MICU3: variants seen among roughly 807,000 people sequenced by gnomAD.
The protein encoded by MICU3 is calcium uptake protein 3, mitochondrial.
A neutral mutation model predicts 66.5 loss-of-function variants in MICU3; 62 were observed. The ratio of observed to expected loss-of-function variants is 0.93; its 90% CI spans 0.76 to 1.15. MICU3 has a LOEUF of 1.15. Ranked by LOEUF, MICU3 falls within the 50% of genes most tolerant of loss-of-function variation. The pLI is 0.00. For synonymous variants in MICU3, 308 were observed against 240.7 expected (o/e 1.28, Z -2.59); for missense variants, 779 against 664.4 (o/e 1.17, Z -1.90).
chr8:17,120,873 T>G lies in MICU3; in HGVS notation c.*586T>G, dbSNP rs1803146308. On this transcript the variant is annotated 3_prime_UTR_variant, in exon 15 of 15. Transcript: ENST00000318063. ...ATTGTTTACGTGTACTTTTAACTTT[T>G]AAAAGTACTTAATTAACATATGTTG... The G allele has an allele frequency of 6.6e-6, 1 of 152,382 alleles. No homozygotes were observed. 9.4% of individuals were successfully genotyped at this position (152,382 alleles called of 1,614,324 possible).
At chr8:17,054,293 A>G (rs1303323413) in intron 1 of MICU3, among the ~76,000 whole-genome samples, 2 of 152,126 alleles carry the variant, frequency 1.3e-5, no homozygotes, top group African/African-American at 4.8e-5. Context: ...TGATTTCATT[A>G]TTTTGAAGTT....
chr8:17,052,864 A>G (rs993664732), intron 1 of MICU3, among the ~76,000 whole-genome samples: 3 of 152,162 alleles, frequency 2.0e-5, no homozygotes, highest in Non-Finnish European at 4.4e-5. Flanking sequence ...TTTTTTAGCT[A>G]CTTGAATAGA....
intron 1 of MICU3, among the ~76,000 whole-genome samples, chr8:17,045,877 C>A (rs775099344): frequency 1.3e-5 from 2 of 152,190 alleles, no homozygotes; most frequent in Non-Finnish European, 2.9e-5. Flanking sequence ...TAGTCACTGT[C>A]ATGAGAACAG....
At chr8:17,041,833 G>A (rs1814163132) in intron 1 of MICU3, among the ~76,000 whole-genome samples, 1 of 152,102 alleles carries the variant, frequency 6.6e-6, no homozygotes, top group Non-Finnish European at 1.5e-5. Flanking sequence ...AGTAGTTGAA[G>A]GTGTTCTTCT....
the MICU3 span, among the ~76,000 whole-genome samples, chr8:17,130,290 T>G: frequency 2.6e-5 from 4 of 152,094 alleles, no homozygotes; most frequent in African/African-American, 9.7e-5. Context: ...TTTGGGGGAC[T>G]GAGGCGGTGG....
At chr8:17,116,642 G>A (rs758920562) in intron 13 of MICU3, 42 bp downstream of exon 13, 2 of 1,377,508 alleles carry the variant, frequency 1.5e-6, no homozygotes, top group Non-Finnish European at 2.0e-6. Context: ...CCTTTTTAAA[G>A]TCTGAGGGAA....
intron 2 of MICU3, 65 bp from the exon 3 acceptor site, chr8:17,069,623 G>A: frequency 3.8e-6 from 4 of 1,045,320 alleles, no homozygotes; most frequent in South Asian, 3.2e-5. Flanking sequence ...TAGATGGTTA[G>A]CAAATATGGA....
chr8:17,128,943 C>T, the MICU3 span, among the ~76,000 whole-genome samples: 1 of 152,148 alleles, frequency 6.6e-6, no homozygotes, highest in Admixed American at 6.5e-5. Context: ...CAAGGCAAGA[C>T]TTCATGGGGC....
At chr8:17,028,385 C>G (rs1367416611) in intron 1 of MICU3, among the ~76,000 whole-genome samples, 1 of 152,092 alleles carries the variant, frequency 6.6e-6, no homozygotes, top group African/African-American at 2.4e-5. Context: ...GTTCAACTGT[C>G]ATTATGTAGT....
chr8:17,127,231 C>T (rs191669714), downstream of MICU3, among the ~76,000 whole-genome samples: 25 of 152,220 alleles, frequency 1.6e-4, no homozygotes, highest in East Asian at 4.8e-3. Flanking sequence ...TATGCCATTG[C>T]TCTTTGGTGC....
At chr8:17,076,426 G>A (rs533901213) in intron 3 of MICU3, among the ~76,000 whole-genome samples, 3 of 151,988 alleles carry the variant, frequency 2.0e-5, no homozygotes, top group East Asian at 1.9e-4. Context: ...ATTACAATTC[G>A]GACCTGAATT....
chr8:17,134,136 T>C, the MICU3 span: 1 of 152,188 alleles, frequency 6.6e-6, no homozygotes, highest in Non-Finnish European at 1.5e-5. Context: ...TGTATTATGG[T>C]TCTCCAGAGA....
chr8:17,115,363 A>C (rs1235942470), intron 12 of MICU3, among the ~76,000 whole-genome samples: 1 of 152,200 alleles, frequency 6.6e-6, no homozygotes, highest in African/African-American at 2.4e-5. Context: ...TTTAAAGCCA[A>C]AACCTTTGGC....
the MICU3 span, among the ~76,000 whole-genome samples, chr8:17,133,280 C>T: frequency 1.2e-3 from 181 of 152,162 alleles, 1 homozygote; most frequent in Non-Finnish European, 1.9e-3. Flanking sequence ...TCAAACTGCT[C>T]CACTATTAAC....
chr8:17,084,346 C>A (rs1821635168), intron 5 of MICU3, among the ~76,000 whole-genome samples: 1 of 152,086 alleles, frequency 6.6e-6, no homozygotes, highest in African/African-American at 2.4e-5. Flanking sequence ...AAAGGATTGG[C>A]TTCTGTTTCT....
At chr8:17,035,422 T>C (rs751636913) in intron 1 of MICU3, among the ~76,000 whole-genome samples, 2 of 152,194 alleles carry the variant, frequency 1.3e-5, no homozygotes, top group African/African-American at 2.4e-5. Context: ...TCCTACAGAC[T>C]TGTTGAATGG....
chr8:17,102,923 G>C (rs1801394409), intron 9 of MICU3, among the ~76,000 whole-genome samples: 1 of 151,936 alleles, frequency 6.6e-6, no homozygotes, highest in Non-Finnish European at 1.5e-5. Context: ...ATGACAAGGA[G>C]GTTATATGCT....
At chr8:17,125,362 G>C (rs1236977406), downstream of MICU3, among the ~76,000 whole-genome samples, 2 of 150,752 alleles carry the variant, frequency 1.3e-5, no homozygotes, top group Admixed American at 1.3e-4. Flanking sequence ...GTTTTCTTGT[G>C]CTCCCTTCAT....
intron 1 of MICU3, among the ~76,000 whole-genome samples, chr8:17,046,830 C>G (rs1815174308): frequency 6.6e-6 from 1 of 152,096 alleles, no homozygotes; most frequent in South Asian, 2.1e-4. Context: ...AAAGAAGACT[C>G]TTCTGAGAAT....
Sources: gnomAD v4.1 joint callset for allele counts (sites outside exome capture counted in the v4.1 genomes callset) on GRCh38, gnomAD v4.1.1 for gene constraint, MANE v1.5 for transcripts, NCBI Gene and HGNC (gene_info 2026-07-23, HGNC 2026-07-21) for gene names.